The following EIF2AK4 variants were observed in gnomAD, a reference collection of about 807,000 sequenced individuals.
EIF2AK4 encodes eukaryotic translation initiation factor 2 alpha kinase 4.
A neutral mutation model predicts 211.1 loss-of-function variants in EIF2AK4; 139 were observed. The ratio of observed to expected loss-of-function variants is 0.66; its 90% CI spans 0.57 to 0.76. The LOEUF is 0.76. Ranked by LOEUF, EIF2AK4 falls within the 30% of genes least tolerant of loss-of-function variation. The pLI is 0.00. For missense variants in EIF2AK4, 1,664 were observed against 2,043.8 expected, an observed-to-expected ratio of 0.81 and a Z score of 3.58; for synonymous variants, 710 against 751.3, an observed-to-expected ratio of 0.94 and a Z score of 0.90.
intron 26 of EIF2AK4, 41 bp from the exon 27 acceptor site, chr15:40,011,240 G>A: frequency 6.3e-7 from 1 of 1,583,554 alleles, no homozygotes; most frequent in Non-Finnish European, 8.7e-7. Flanking sequence ...TTCAGTGCCA[G>A]ATTTCGCGAC....
In EIF2AK4 at chr15:40,019,058, A is replaced by G. The variant is rs1026441132; in HGVS notation, c.4066-35A>G. On this transcript the variant is annotated intron_variant, in intron 29 of 38. Coordinates refer to ENST00000263791, the MANE Select transcript of EIF2AK4 (RefSeq NM_001013703.4). ...TCCCCGTAATCACAGTTTCTTTCCT[A>G]TTTCATAACCATAACTGTTTGTGTC... The G allele has an allele frequency of 4.7e-6, 7 of 1,483,792 alleles. No individual in the cohort carries two copies. In the South Asian group the frequency reaches 7.3e-5, roughly 15 times the overall value. The allele number at this position is 1,483,792 out of a possible 1,614,324, so 91.9% of individuals were successfully genotyped here.
intron 18 of EIF2AK4, 110 bp from the exon 19 acceptor site, chr15:39,996,854 T>A (rs950306839): frequency 2.6e-6 from 2 of 759,968 alleles, no homozygotes; most frequent in Non-Finnish European, 4.6e-6. Context: ...TGTGACCTGT[T>A]TTGTACTCCT....
chr15:39,989,379 C>T (rs984130315), intron 15 of EIF2AK4, among the ~76,000 whole-genome samples: 2 of 152,164 alleles, frequency 1.3e-5, no homozygotes, highest in Non-Finnish European at 1.5e-5. Flanking sequence ...CTGTAATTTA[C>T]ACATGTGTAG....
rs1329669270 is a variant in EIF2AK4 at position 39,986,891 on chromosome 15, A to G, written c.2403+1003A>G. 2.0e-5 allele frequency among the ~76,000 whole-genome samples: 3 copies of G among 152,082 alleles called. No homozygotes were observed. In the South Asian group the frequency reaches 6.2e-4, roughly 31 times the overall value. On this transcript the variant is annotated intron_variant, in intron 14 of 38. Coordinates refer to ENST00000263791, the MANE Select transcript of EIF2AK4 (RefSeq NM_001013703.4). ...AACAACAACAACAACAAAAACAAAG[A>G]AGTCTTTCCTCTGCCCCAAGGGAAC...
chr15:39,945,551 T>TGAA (rs1477737620), intron 3 of EIF2AK4, among the ~76,000 whole-genome samples: 2 of 152,188 alleles, frequency 1.3e-5, no homozygotes, highest in African/African-American at 2.4e-5. Flanking sequence ...AAGTGCAAGG[T>TGAA]GAAGCAGCAT....
intron 33 of EIF2AK4, among the ~76,000 whole-genome samples, chr15:40,027,248 G>T (rs2035476991): frequency 6.6e-6 from 1 of 152,154 alleles, no homozygotes; most frequent in South Asian, 2.1e-4. Flanking sequence ...TAGAAGAAAT[G>T]ATTCTCCTGT....
chr15:39,980,811 C>G (rs1184976975), intron 13 of EIF2AK4, among the ~76,000 whole-genome samples: 2 of 152,186 alleles, frequency 1.3e-5, no homozygotes, highest in African/African-American at 2.4e-5. Context: ...GCCTCAGCCT[C>G]CCAAAGTGCT....
At chr15:39,974,618 A>G (rs983887965) in intron 11 of EIF2AK4, 1 of 152,248 alleles carries the variant, frequency 6.6e-6, no homozygotes, top group Admixed American at 6.5e-5. Context: ...ATTGAAGCGT[A>G]TACTGTCCCT....
Position 39,965,847 on chromosome 15 carries a change from A to G in EIF2AK4, c.1017+4A>G, listed in dbSNP as rs753052234. On this transcript the variant is annotated splice_donor_region_variant and intron_variant, in intron 8 of 38. Transcript: ENST00000263791. ...GATTGATAAGTGCAAAAAGCAGGTA[A>G]GCATCCAAGGTGGCTGACTGAGCAA... is the stretch of plus-strand genomic sequence containing the variant. 6.2e-7 allele frequency: 1 copy of G among 1,613,780 alleles called. No homozygotes were observed. Among genetic ancestry groups the G allele is most frequent in the African/African-American group, 1.3e-5 (1 of 75,054 alleles).
intron 3 of EIF2AK4, chr15:39,946,545 C>T (rs1302125441): frequency 1.4e-6 from 1 of 702,160 alleles, no homozygotes; most frequent in South Asian, 1.5e-5. Flanking sequence ...GTTGAAATGA[C>T]AATCGAGCAT....
chr15:40,014,904 G>A (rs752022785), intron 27 of EIF2AK4, among the ~76,000 whole-genome samples: 1 of 152,056 alleles, frequency 6.6e-6, no homozygotes, highest in African/African-American at 2.4e-5. Context: ...ATTCTGCCAG[G>A]TACCCAAAAT....
intron 26 of EIF2AK4, among the ~76,000 whole-genome samples, chr15:40,010,191 A>G (rs1366874044): frequency 1.3e-5 from 2 of 152,212 alleles, no homozygotes; most frequent in African/African-American, 4.8e-5. Flanking sequence ...TCATTCTCAC[A>G]CCAGTGCTGC....
chr15:40,012,031 C>T (rs899144172), intron 27 of EIF2AK4, among the ~76,000 whole-genome samples: 1 of 151,614 alleles, frequency 6.6e-6, no homozygotes, highest in Non-Finnish European at 1.5e-5. Context: ...TTTTAATTTC[C>T]CGGAACCTGT....
chr15:39,943,560 C>T, intron 3 of EIF2AK4, 75 bp downstream of exon 3: 1 of 1,163,806 alleles, frequency 8.6e-7, no homozygotes, highest in Non-Finnish European at 1.2e-6. Flanking sequence ...TTTTGAGTAG[C>T]ATGTTTTGTG....
Position 40,032,759 on chromosome 15 carries a change from G to A in EIF2AK4, c.4731G>A (p.Val1577=). The change falls in exon 37 of 39, where the codon GTG becomes GTA. Residue 1577 remains valine (V), a splice_region_variant and synonymous_variant. Coordinates refer to ENST00000263791, the MANE Select transcript of EIF2AK4 (RefSeq NM_001013703.4). ...QKSSEIEILA[V]DLPKETILQF... is the part of the protein sequence containing the mutation. Reference sequence around the variant, plus strand: ...TGTACATTTGTGTGTATTCACAGGTGGATCTACCCAAAGAAACAATATTAC... The same window carrying A: ...TGTACATTTGTGTGTATTCACAGGTAGATCTACCCAAAGAAACAATATTAC... 1 of 1,613,208 alleles carries A rather than the reference G, an allele frequency of 6.2e-7. No individual in the cohort carries two copies. The highest frequency in any genetic ancestry group is 8.5e-7 in the Non-Finnish European group (1 of 1,179,594).
rs769134009 is a variant in EIF2AK4 at position 39,939,654 on chromosome 15, G to C, written c.257+37G>C. ...TATAAATAGCTTTGACGTGGTTTCA[G>C]TTTTCTGTTTTGACAACATAGAAAC... On this transcript the variant is annotated intron_variant, in intron 2 of 38. Coordinates refer to ENST00000263791, the MANE Select transcript of EIF2AK4 (RefSeq NM_001013703.4). 73 of 1,520,646 alleles carry C rather than the reference G, an allele frequency of 4.8e-5. No individual in the cohort carries two copies. The South Asian group carries it at 8.2e-4, about 17-fold the overall frequency. 94.2% of individuals were successfully genotyped at this position (1,520,646 alleles called of 1,614,324 possible). A position where few individuals can be genotyped will look rare whatever the true frequency, so the allele number is the denominator to read the frequency against.
At chr15:39,977,780 C>T (rs1029506025) in intron 12 of EIF2AK4, 1 of 201,872 alleles carries the variant, frequency 5.0e-6, no homozygotes, top group Non-Finnish European at 9.9e-6. Context: ...AGAATCCACC[C>T]TGGATGTTTA....
chr15:40,017,501 CTATATATATATATATATATATATA>C (rs202237104), intron 29 of EIF2AK4, among the ~76,000 whole-genome samples: 528 of 26,134 alleles, frequency 0.02, 31 homozygotes, highest in Non-Finnish European at 0.024. Flanking sequence ...TACTCTGTTT[CTATATATATATATATATATATATA>C]TATATATATA....
intron 19 of EIF2AK4, among the ~76,000 whole-genome samples, chr15:39,998,374 C>T (rs2035049131): frequency 6.6e-6 from 1 of 151,084 alleles, no homozygotes; most frequent in Non-Finnish European, 1.5e-5. Flanking sequence ...TGCTTTCTGC[C>T]CCTTGAAATT....
Sources: gnomAD v4.1 joint callset for allele counts (sites outside exome capture counted in the v4.1 genomes callset) on GRCh38, gnomAD v4.1.1 for gene constraint, MANE v1.5 for transcripts, NCBI Gene and HGNC (gene_info 2026-07-23, HGNC 2026-07-21) for gene names.